Variants in STK32B observed in about 807,000 individuals in gnomAD.
STK32B encodes serine/threonine-protein kinase 32B.
Under a neutral mutation model 52.6 loss-of-function variants are expected in STK32B, and 43 were observed. The observed-to-expected ratio is 0.82, with a 90% CI of 0.64 to 1.05. STK32B has a LOEUF of 1.05. Among genes scored for constraint, STK32B ranks in the 50% least tolerant of loss-of-function variants. STK32B has a pLI of 0.00. For missense variants in STK32B, 621 were observed against 534.6 expected (o/e 1.16, Z -1.59); for synonymous variants, 238 against 204.3 (o/e 1.17, Z -1.41).
At chr4:5,212,495 A>G (rs1384826417) in intron 3 of STK32B, among the ~76,000 whole-genome samples, 1 of 152,224 alleles carries the variant, frequency 6.6e-6, no homozygotes, top group Non-Finnish European at 1.5e-5. Flanking sequence ...AAAACCGGAG[A>G]TAAACCGCAG....
intron 11 of STK32B, among the ~76,000 whole-genome samples, chr4:5,486,549 C>T (rs535203265): frequency 2.0e-5 from 3 of 152,368 alleles, no homozygotes; most frequent in Admixed American, 6.5e-5. Context: ...GGCGATGCCT[C>T]GCCCTGCTTT....
chr4:5,412,923 C>A (rs1336954756), intron 5 of STK32B, among the ~76,000 whole-genome samples: 3 of 152,116 alleles, frequency 2.0e-5, no homozygotes, highest in African/African-American at 7.2e-5. Flanking sequence ...CCTGTCTCAG[C>A]CCAGAAGGTC....
the STK32B span, among the ~76,000 whole-genome samples, chr4:5,043,868 G>C: frequency 6.6e-6 from 1 of 152,254 alleles, no homozygotes; most frequent in East Asian, 1.9e-4. Context: ...TCCCAGCCCA[G>C]TGTCTGACAC....
chr4:5,282,031 A>G (rs1265865099), intron 3 of STK32B, among the ~76,000 whole-genome samples: 2 of 152,150 alleles, frequency 1.3e-5, no homozygotes, highest in African/African-American at 2.4e-5. Flanking sequence ...AGGTTTTGAT[A>G]TATGTATACA....
Position 5,052,491 on chromosome 4 carries a change from G to A in STK32B, c.52+576G>A, listed in dbSNP as rs570443374. Among the ~76,000 whole-genome samples the A allele has an allele frequency of 2.0e-5, 3 of 152,236 alleles. No individual in the cohort carries two copies. The South Asian group carries it at 6.2e-4, about 32-fold the overall frequency. On this transcript the variant is annotated intron_variant, in intron 1 of 11. Coordinates refer to ENST00000282908, the MANE Select transcript of STK32B (RefSeq NM_018401.3). ...GCAGCCTCCCCCTGGCGCAGAAGTGGTGTAGGCTGTCCAACCGCATCTCAA... is the reference window on the plus strand; with the variant it reads ...GCAGCCTCCCCCTGGCGCAGAAGTGATGTAGGCTGTCCAACCGCATCTCAA...
At chr4:5,299,710 G>A (rs953513826) in intron 3 of STK32B, among the ~76,000 whole-genome samples, 2 of 152,072 alleles carry the variant, frequency 1.3e-5, no homozygotes, top group Admixed American at 1.3e-4. Context: ...GACGTTTCTT[G>A]CTTTGTTCTT....
At chr4:5,244,700 T>C (rs1227722417) in intron 3 of STK32B, among the ~76,000 whole-genome samples, 1 of 152,196 alleles carries the variant, frequency 6.6e-6, no homozygotes, top group East Asian at 1.9e-4. Context: ...TCCTGCTTTC[T>C]CTTGTGGGCA....
intron 3 of STK32B, among the ~76,000 whole-genome samples, chr4:5,317,481 TACATATATATAATATA>T (rs1731160422): frequency 5.1e-5 from 3 of 59,400 alleles, no homozygotes; most frequent in Non-Finnish European, 9.1e-5. Flanking sequence ...ATATATATAT[TACATATATATAATATA>T]TATTATATAT....
At chr4:5,427,361 G>C (rs1713193469) in intron 6 of STK32B, among the ~76,000 whole-genome samples, 1 of 152,002 alleles carries the variant, frequency 6.6e-6, no homozygotes, top group Admixed American at 6.5e-5. Flanking sequence ...CTATTTTCTT[G>C]TAACAACTTG....
At chr4:5,205,567 C>T (rs73081604) in intron 3 of STK32B, among the ~76,000 whole-genome samples, 2 of 152,114 alleles carry the variant, frequency 1.3e-5, no homozygotes, top group African/African-American at 4.8e-5. Context: ...TCTCCCCAGG[C>T]TCTGGCTGTG....
chr4:5,150,131 T>G (rs1283466470), intron 2 of STK32B, among the ~76,000 whole-genome samples: 1 of 152,040 alleles, frequency 6.6e-6, no homozygotes, highest in Non-Finnish European at 1.5e-5. Context: ...GTCACTTTTG[T>G]CTCCCTCCTT....
At chr4:5,129,304 T>C (rs1396173452) in intron 1 of STK32B, among the ~76,000 whole-genome samples, 1 of 152,248 alleles carries the variant, frequency 6.6e-6, no homozygotes, top group African/African-American at 2.4e-5. Flanking sequence ...CTCTTCTTTA[T>C]TGGAGTCCAA....
rs112486656 is a variant in STK32B at position 5,330,923 on chromosome 4, A to G, written c.261-297A>G. ...ACCTGCTAAAAACGGATGAAGAAAC[A>G]TGCTGGAGTCCAGTAGTAGTTAAAC... On this transcript the variant is annotated intron_variant, in intron 3 of 11. Coordinates refer to ENST00000282908, the MANE Select transcript of STK32B (RefSeq NM_018401.3). 9.9e-4 allele frequency among the ~76,000 whole-genome samples: 151 copies of G among 152,326 alleles called. 1 individual carries two copies. The highest frequency in any genetic ancestry group is 3.6e-3 in the African/African-American group (149 of 41,574).
chr4:5,280,654 G>A (rs535972687), intron 3 of STK32B, among the ~76,000 whole-genome samples: 60 of 152,218 alleles, frequency 3.9e-4, no homozygotes, highest in African/African-American at 1.3e-3. Context: ...TAGCACTTTG[G>A]GAGGCCGAGG....
At chr4:5,347,808 G>T (rs12641539) in intron 4 of STK32B, among the ~76,000 whole-genome samples, 18,056 of 152,110 alleles carry the variant, frequency 0.12, 1,468 homozygotes, top group East Asian at 0.37. Flanking sequence ...CTCCTGTTCT[G>T]CCATGGTAAG....
chr4:5,073,497 TC>T (rs1428367962), intron 1 of STK32B, among the ~76,000 whole-genome samples: 1 of 152,030 alleles, frequency 6.6e-6, no homozygotes, highest in Non-Finnish European at 1.5e-5. Context: ...TATTATTTTT[TC>T]TTTAAGTACC....
At chr4:5,200,612 T>C (rs1212381536) in intron 3 of STK32B, among the ~76,000 whole-genome samples, 2 of 152,230 alleles carry the variant, frequency 1.3e-5, no homozygotes, top group South Asian at 2.1e-4. Flanking sequence ...TGCACTGTTC[T>C]GCCAAAAGCA....
At chr4:5,111,028 A>G (rs556238909) in intron 1 of STK32B, among the ~76,000 whole-genome samples, 3 of 152,252 alleles carry the variant, frequency 2.0e-5, no homozygotes, top group South Asian at 4.1e-4. Flanking sequence ...AACATCACCA[A>G]TCATCAGAGA....
intron 2 of STK32B, 106 bp from the exon 3 acceptor site, chr4:5,168,193 C>T: frequency 2.1e-6 from 3 of 1,424,762 alleles, no homozygotes; most frequent in Non-Finnish European, 2.8e-6. Context: ...ATTTCAAGAA[C>T]AGGGACGTGA....
Sources: gnomAD v4.1 joint callset for allele counts (sites outside exome capture counted in the v4.1 genomes callset) on GRCh38, gnomAD v4.1.1 for gene constraint, MANE v1.5 for transcripts, NCBI Gene and HGNC (gene_info 2026-07-23, HGNC 2026-07-21) for gene names.